Variants in ERAP1 observed in about 807,000 individuals in gnomAD.
ERAP1 encodes endoplasmic reticulum aminopeptidase 1.
ERAP1 carries 86 observed loss-of-function variants against 103.7 expected under a neutral mutation model. The observed-to-expected ratio is 0.83, with a 90% CI of 0.70 to 0.99. ERAP1 has a LOEUF of 0.99. Ranked by LOEUF, ERAP1 falls within the 50% of genes least tolerant of loss-of-function variation. The pLI, the probability that ERAP1 is intolerant of heterozygous loss-of-function variation, is 0.00. For missense variants in ERAP1, 1,009 were observed against 1,128.4 expected (o/e 0.89, Z 1.52); for synonymous variants, 398 against 402.4 (o/e 0.99, Z 0.13).
At chr5:96,881,491 T>A in the ERAP1 span, 1 of 455,712 alleles carries the variant, frequency 2.2e-6, no homozygotes, top group Non-Finnish European at 4.4e-6. Flanking sequence ...GTAAGAGGAG[T>A]CTGGCTCAGT....
the ERAP1 span, among the ~76,000 whole-genome samples, chr5:96,890,831 T>G: frequency 5.9e-5 from 9 of 151,960 alleles, no homozygotes; most frequent in Non-Finnish European, 1.3e-4. Flanking sequence ...CCCATTTATA[T>G]GTAATTCACT....
At chr5:96,767,985 C>T (rs1394704547) in intron 19 of ERAP1, 1 of 1,609,688 alleles carries the variant, frequency 6.2e-7, no homozygotes, top group African/African-American at 1.3e-5. Context: ...AGAAACCTCA[C>T]AGAACACAGC....
upstream of ERAP1, among the ~76,000 whole-genome samples, chr5:96,809,074 C>A (rs1441445344): frequency 1.3e-5 from 2 of 152,230 alleles, no homozygotes; most frequent in Admixed American, 1.3e-4. Context: ...TATAGGGTAG[C>A]TTCCCGACGT....
At chr5:96,909,964 G>C in the ERAP1 span, 1 of 519,254 alleles carries the variant, frequency 1.9e-6, no homozygotes, top group Non-Finnish European at 3.4e-6. Flanking sequence ...AAATGTAATG[G>C]TGTCCATTAT....
At chr5:96,788,468 G>T (rs1490680206) in intron 11 of ERAP1, 63 bp downstream of exon 11, 25 of 1,587,910 alleles carry the variant, frequency 1.6e-5, no homozygotes, top group Non-Finnish European at 1.5e-5. Context: ...CAAAAGCAAG[G>T]TTCCATCCTA....
Position 96,783,133 on chromosome 5 carries a change from CGAGGAGT to C in ERAP1, c.2196_2202del (p.Leu733ProfsTer27), listed in dbSNP as rs1775458629. ...CACGGCTGATAGTTGTGCACACAGG[CGAGGAGT>C]AGTAGTTGACTCCGCAGCATTCGCT... On this transcript the variant is annotated frameshift_variant, in exon 15 of 19. Transcript: ENST00000443439. LOFTEE classifies it high-confidence loss of function. 6.2e-7 allele frequency: 1 copy of C among 1,614,150 alleles called. No homozygotes were observed. Among genetic ancestry groups the C allele is most frequent in the Non-Finnish European group, 8.5e-7 (1 of 1,180,028 alleles).
the ERAP1 span, chr5:96,909,678 G>T: frequency 1.9e-6 from 3 of 1,614,090 alleles, no homozygotes; most frequent in African/African-American, 4.0e-5. Context: ...CTCTCTTGAA[G>T]CTGGCCTGTG....
the ERAP1 span, among the ~76,000 whole-genome samples, chr5:96,858,234 T>TG: frequency 6.7e-6 from 1 of 149,974 alleles, no homozygotes; most frequent in Middle Eastern, 3.4e-3. Flanking sequence ...TTTTTTTTTT[T>TG]GATGGAGTTT....
chr5:96,879,403 C>A, the ERAP1 span, among the ~76,000 whole-genome samples: 1 of 152,106 alleles, frequency 6.6e-6, no homozygotes, highest in Non-Finnish European at 1.5e-5. Flanking sequence ...TTGTAATAAC[C>A]AGATAACAGC....
At chr5:96,856,365 T>TATATATATATATATATATATATATAG in the ERAP1 span, among the ~76,000 whole-genome samples, 4 of 20,386 alleles carry the variant, frequency 2.0e-4, no homozygotes, top group African/African-American at 5.0e-4. Context: ...TATATATATA[T>TATATATATATATATATATATATATAG]AGAGAGAGAG....
chr5:96,811,394 T>C (rs963859745), upstream of ERAP1, among the ~76,000 whole-genome samples: 1 of 152,230 alleles, frequency 6.6e-6, no homozygotes. Flanking sequence ...AGGTGGCTAG[T>C]AGCTCCATTT....
At chr5:96,933,255 T>TCG in the ERAP1 span, among the ~76,000 whole-genome samples, 3 of 139,354 alleles carry the variant, frequency 2.2e-5, no homozygotes, top group African/African-American at 8.3e-5. Context: ...TCTTGCTCTG[T>TCG]CGCCCAGGCT....
chr5:96,779,686 T>C (rs1774872237), intron 18 of ERAP1: 1 of 153,760 alleles, frequency 6.5e-6, no homozygotes, highest in Non-Finnish European at 1.5e-5. Flanking sequence ...GAAACCTTAT[T>C]ATAGAAGGGA....
At chr5:96,809,752 G>A (rs1220633423), upstream of ERAP1, among the ~76,000 whole-genome samples, 3 of 152,164 alleles carry the variant, frequency 2.0e-5, no homozygotes, top group African/African-American at 2.4e-5. Context: ...AAGACCTCCA[G>A]ACATCTCGGA....
At chr5:96,862,044 A>C in the ERAP1 span, among the ~76,000 whole-genome samples, 1 of 152,202 alleles carries the variant, frequency 6.6e-6, no homozygotes, top group African/African-American at 2.4e-5. Context: ...GCAATAGTGC[A>C]ATCATGGCTT....
the ERAP1 span, among the ~76,000 whole-genome samples, chr5:96,877,739 T>TA: frequency 6.6e-6 from 1 of 151,982 alleles, no homozygotes; most frequent in Non-Finnish European, 1.5e-5. Flanking sequence ...CCATTTTTTT[T>TA]AAACCCTCCA....
chr5:96,871,415 G>C, the ERAP1 span, among the ~76,000 whole-genome samples: 130 of 152,256 alleles, frequency 8.5e-4, no homozygotes, highest in African/African-American at 3.0e-3. Context: ...AGAAGCAAAA[G>C]TTTTTTTAGA....
At chr5:96,839,915 C>T in the ERAP1 span, among the ~76,000 whole-genome samples, 1 of 152,170 alleles carries the variant, frequency 6.6e-6, no homozygotes, top group Non-Finnish European at 1.5e-5. Context: ...TCTGTTCTTC[C>T]TGTTGTACAT....
rs768020409 is a variant in ERAP1, at chr5:96,776,358, T to C, written c.*38A>G. ...GAAAATACACTCAACAAAATGTTGGTGATTAGAGATAACAGGAACCTGGCA... is the reference window on the plus strand; with the variant it reads ...GAAAATACACTCAACAAAATGTTGGCGATTAGAGATAACAGGAACCTGGCA... On this transcript the variant is annotated 3_prime_UTR_variant, in exon 19 of 19. Coordinates refer to ENST00000443439, the MANE Select transcript of ERAP1 (RefSeq NM_001040458.3). The C allele has an allele frequency of 2.5e-6, 4 of 1,586,116 alleles. No individual in the cohort carries two copies. The South Asian group carries it at 4.6e-5, about 18-fold the overall frequency.
Sources: allele counts gnomAD v4.1 joint callset (sites outside exome capture counted in the v4.1 genomes callset), GRCh38; gene constraint gnomAD v4.1.1; transcripts MANE v1.5; gene names NCBI Gene and HGNC (gene_info 2026-07-23, HGNC 2026-07-21).